The following ABCC8 variants were observed in gnomAD, a reference collection of about 807,000 sequenced individuals.
ABCC8 encodes the protein ATP-binding cassette sub-family C member 8.
In ABCC8, 137 loss-of-function variants were observed where a neutral mutation model predicts 188.0. That is an observed-to-expected ratio of 0.73 (90% confidence interval 0.63 to 0.84). The LOEUF (loss-of-function observed/expected upper bound fraction) is 0.84, where lower values mean the gene tolerates loss of function less well. Among genes scored for constraint, ABCC8 ranks in the 40% least tolerant of loss-of-function variants. ABCC8 has a pLI of 0.00. For missense variants in ABCC8, 1,750 were observed against 2,072.7 expected, an observed-to-expected ratio of 0.84 and a Z score of 3.02; for synonymous variants, 797 against 846.5, an observed-to-expected ratio of 0.94 and a Z score of 1.01.
chr11:17,452,989 G>A (rs958166254), intron 7 of ABCC8, 130 bp downstream of exon 7: 24 of 937,940 alleles, frequency 2.6e-5, no homozygotes, highest in Middle Eastern at 2.6e-4. Flanking sequence ...TTAAAACATC[G>A]TTAATGGGCA....
Position 17,443,272 on chromosome 11 carries a change from A to T in ABCC8, c.1373T>A (p.Val458Asp), listed in dbSNP as rs778003950. 9.3e-6 allele frequency: 15 copies of T among 1,613,816 alleles called. No homozygotes were observed. Among genetic ancestry groups the T allele is most frequent in the Non-Finnish European group, 1.3e-5 (15 of 1,179,966 alleles). Residue 458 changes from valine (V) to aspartate (D), a missense_variant, in exon 9 of 39, where the codon GTC (valine) becomes GAC (aspartate). Physicochemically the swap from Val to Asp is radical, Grantham distance 152. Coordinates refer to ENST00000389817, the MANE Select transcript of ABCC8 (RefSeq NM_000352.6). ...GVILLYYILG[V>D]SALIGAAVII... Reference sequence around the variant, plus strand: ...GACAGCTGCTCCAATTAAGGCACTGACTCCGAGTATGTAGTAGAGGAGAAT... The same window carrying T: ...GACAGCTGCTCCAATTAAGGCACTGTCTCCGAGTATGTAGTAGAGGAGAAT...
rs973707629 is a variant in ABCC8, at chr11:17,431,096, A to G, written c.1672-137T>C. The G allele has an allele frequency of 1.0e-5, 14 of 1,368,076 alleles. No homozygotes were observed. The African/African-American group carries it at 2.0e-4, about 20-fold the overall frequency. The allele number at this position is 1,368,076 out of a possible 1,614,324, so 84.7% of individuals were successfully genotyped here. A position where few individuals can be genotyped will look rare whatever the true frequency, so the allele number is the denominator to read the frequency against. On this transcript the variant is annotated intron_variant, in intron 11 of 38. Transcript: ENST00000389817. ...CTAAGAGGATCTTTTAGTTGGAGAC[A>G]CCTTCATCATCCCCACAGTCATCTC...
At chr11:17,455,160 A>C (rs1022818501) in intron 6 of ABCC8, among the ~76,000 whole-genome samples, 3 of 152,152 alleles carry the variant, frequency 2.0e-5, no homozygotes, top group Non-Finnish European at 2.9e-5. Flanking sequence ...GAATGCAAAA[A>C]CCCATATAAA....
Position 17,407,140 on chromosome 11 carries a change from C to G in ABCC8, c.2921-11G>C. 1 of 1,608,730 alleles carries G rather than the reference C, an allele frequency of 6.2e-7. No homozygotes were observed. The highest frequency in any genetic ancestry group is 1.1e-5 in the South Asian group (1 of 90,706). Reference sequence around the variant, plus strand: ...TCTCAGCTGCCTCCTCTGCAGGCCGCAAGAACCCACTCTGTGGCTACACAT... The same window carrying G: ...TCTCAGCTGCCTCCTCTGCAGGCCGGAAGAACCCACTCTGTGGCTACACAT... On this transcript the variant is annotated splice_polypyrimidine_tract_variant and intron_variant, in intron 24 of 38. Coordinates refer to ENST00000389817, the MANE Select transcript of ABCC8 (RefSeq NM_000352.6).
intron 11 of ABCC8, among the ~76,000 whole-genome samples, chr11:17,431,590 T>C (rs1395886726): frequency 6.6e-6 from 1 of 152,230 alleles, no homozygotes; most frequent in African/African-American, 2.4e-5. Flanking sequence ...TGCAGGCTCG[T>C]AGGGGCCCAG....
chr11:17,427,788 T>C lies in ABCC8; in HGVS notation c.2116+79A>G, dbSNP rs1955650106. The C allele has an allele frequency of 6.4e-7, 1 of 1,556,288 alleles. No homozygotes were observed. The highest frequency in any genetic ancestry group is 8.8e-7 in the Non-Finnish European group (1 of 1,142,256). ...GAGCAGAGAGTAGGTGCTCAATAAATGCAGCTTTGTCTTTTTATCTCTATG... is the reference window on the plus strand; with the variant it reads ...GAGCAGAGAGTAGGTGCTCAATAAACGCAGCTTTGTCTTTTTATCTCTATG... On this transcript the variant is annotated intron_variant, in intron 15 of 38. Coordinates refer to ENST00000389817, the MANE Select transcript of ABCC8 (RefSeq NM_000352.6). The surrounding 1 kb of genome is among the most constrained non-coding windows in gnomAD (Gnocchi z 5.0).
At chr11:17,442,991 C>A (rs914947029) in intron 9 of ABCC8, 109 bp from the exon 10 acceptor site, 19 of 1,579,666 alleles carry the variant, frequency 1.2e-5, no homozygotes, top group Non-Finnish European at 1.6e-5. Flanking sequence ...CTGTCCTCAC[C>A]GGGAGGCAGC....
chr11:17,404,743 G>C lies in ABCC8; in HGVS notation c.3400-74C>G. The C allele has an allele frequency of 6.5e-7, 1 of 1,543,556 alleles. No individual in the cohort carries two copies. Among genetic ancestry groups the C allele is most frequent in the Non-Finnish European group, 8.8e-7 (1 of 1,141,560 alleles). On this transcript the variant is annotated intron_variant, in intron 27 of 38. Transcript: ENST00000389817. The surrounding 1 kb of genome is among the most constrained non-coding windows in gnomAD (Gnocchi z 4.7). ...TGTTTAGAGTGCTACTGGCCGCCATGTTTTGCTCTCACTTTATTTTTTGAT... is the reference window on the plus strand; with the variant it reads ...TGTTTAGAGTGCTACTGGCCGCCATCTTTTGCTCTCACTTTATTTTTTGAT...
At chr11:17,414,801 C>T (rs1954987228) in intron 18 of ABCC8, 191 bp from the exon 19 acceptor site, 1 of 638,582 alleles carries the variant, frequency 1.6e-6, no homozygotes, top group Non-Finnish European at 1.9e-6. Context: ...TGGGTCTCAA[C>T]TGACTGGGGC....
At chr11:17,445,850 T>C (rs889574471) in intron 8 of ABCC8, among the ~76,000 whole-genome samples, 4 of 152,062 alleles carry the variant, frequency 2.6e-5, no homozygotes, top group Non-Finnish European at 5.9e-5. Context: ...GGGCCAGGCA[T>C]AGGGCAAGGG....
chr11:17,399,085 A>T (rs1161091830), intron 29 of ABCC8: 1 of 156,104 alleles, frequency 6.4e-6, no homozygotes, highest in Non-Finnish European at 1.4e-5. Context: ...CCTGGCCAAC[A>T]TGGTGGAATT....
At chr11:17,398,912 C>G in intron 29 of ABCC8, 1 of 224,534 alleles carries the variant, frequency 4.5e-6, no homozygotes, top group Non-Finnish European at 8.9e-6. Flanking sequence ...CCATGCTCCA[C>G]ACAGTGGCTG....
chr11:17,467,087 A>AC (rs1404390064), intron 3 of ABCC8, among the ~76,000 whole-genome samples: 64 of 41,318 alleles, frequency 1.5e-3, no homozygotes, highest in African/African-American at 4.5e-3. Flanking sequence ...CACACACACA[A>AC]CTTCCCATTG....
chr11:17,469,953 G>T, intron 3 of ABCC8, 148 bp downstream of exon 3: 2 of 989,648 alleles, frequency 2.0e-6, no homozygotes, highest in Non-Finnish European at 3.1e-6. Flanking sequence ...TCACCAGACT[G>T]TAAGCTCCAT....
intron 22 of ABCC8, 140 bp downstream of exon 22, chr11:17,410,376 A>G: frequency 7.2e-6 from 7 of 972,018 alleles, no homozygotes; most frequent in Non-Finnish European, 1.1e-5. Context: ...CCCAGCATGC[A>G]TAAAGCCATC....
chr11:17,395,117 C>T, intron 36 of ABCC8, 55 bp downstream of exon 36: 1 of 1,549,492 alleles, frequency 6.5e-7, no homozygotes. Context: ...GTCTGCCATC[C>T]TTACAGGGTC....
chr11:17,470,579 A>G (rs547054672), intron 2 of ABCC8, among the ~76,000 whole-genome samples: 14 of 152,306 alleles, frequency 9.2e-5, no homozygotes, highest in African/African-American at 3.1e-4. Flanking sequence ...GGCTGTGATA[A>G]CAAACTGATG....
rs148342166 is a variant in ABCC8 at position 17,407,073 on chromosome 11, C to T, written c.2977G>A (p.Ala993Thr). ...GCGCAGGCTCGCCATGGGATCTCAG[C>T]ACGCTGGTGCAGCATGGACGACAGG... ...DNLSSMLHQR[A>T]EIPWRACAKY... Residue 993 changes from alanine to threonine, a missense_variant, in exon 25 of 39, where the codon GCT becomes ACT. Ala to Thr is a moderately conservative substitution (Grantham distance 58). Transcript: ENST00000389817. 5.6e-6 allele frequency: 9 copies of T among 1,613,990 alleles called. No individual in the cohort carries two copies. The African/African-American group carries it at 1.2e-4, about 22-fold the overall frequency.
rs767409085 is a variant in ABCC8, at chr11:17,463,574, A to G, written c.443T>C (p.Ile148Thr). 1.6e-5 allele frequency: 26 copies of G among 1,590,018 alleles called. No homozygotes were observed. Among genetic ancestry groups the G allele is most frequent in the Non-Finnish European group, 2.1e-5 (25 of 1,167,996 alleles). The change falls in exon 4 of 39, where the codon ATC becomes ACC. Residue 148 changes from isoleucine to threonine, a missense_variant. Ile to Thr is a moderately conservative substitution (Grantham distance 89, BLOSUM62 -1). Transcript: ENST00000389817. ...CTTGACAAACTTGATGGTCTTGGTG[A>G]TGAAGGCCAGGGTCCAATACACCAG... ...ALLVYWTLAF[I>T]TKTIKFVKFL...
Sources: allele counts gnomAD v4.1 joint callset (sites outside exome capture counted in the v4.1 genomes callset), GRCh38; gene constraint gnomAD v4.1.1; non-coding constraint Gnocchi (gnomAD v3.1); transcripts MANE v1.5; gene names NCBI Gene and HGNC (gene_info 2026-07-23, HGNC 2026-07-21).